Variants in UXS1 observed in about 807,000 individuals in gnomAD.
UXS1 encodes the protein UDP-glucuronic acid decarboxylase 1.
A neutral mutation model predicts 62.6 loss-of-function variants in UXS1; 33 were observed. The observed-to-expected ratio is 0.53, with a 90% CI of 0.40 to 0.70. UXS1 has a LOEUF of 0.70. Among genes scored for constraint, UXS1 ranks in the 30% least tolerant of loss-of-function variants. UXS1 has a pLI of 0.00. For missense variants in UXS1, 434 were observed against 556.3 expected, an observed-to-expected ratio of 0.78 and a Z score of 2.21; for synonymous variants, 213 against 206.8, an observed-to-expected ratio of 1.03 and a Z score of -0.26.
chr2:106,093,869 A>C lies in UXS1; in HGVS notation c.*157T>G. 9.5e-7 allele frequency: 1 copy of C among 1,049,628 alleles called. No individual in the cohort carries two copies. Among genetic ancestry groups the C allele is most frequent in the Non-Finnish European group, 1.3e-6 (1 of 774,246 alleles). 65.0% of individuals were successfully genotyped at this position (1,049,628 alleles called of 1,614,324 possible). ...CTGCAGTTTTTTGAGGGGAGCTTTT[A>C]GGCACATCCATTTCATTAAAGCAAG... On this transcript the variant is annotated 3_prime_UTR_variant, in exon 15 of 15. Transcript: ENST00000283148.
intron 1 of UXS1, among the ~76,000 whole-genome samples, chr2:106,180,725 T>C (rs1274642139): frequency 2.6e-5 from 4 of 152,122 alleles, no homozygotes; most frequent in Admixed American, 2.0e-4. Context: ...TTGGGGAGAA[T>C]AGGGAGAAAG....
At chr2:106,105,769 G>A (rs190455450) in intron 10 of UXS1, among the ~76,000 whole-genome samples, 1 of 152,330 alleles carries the variant, frequency 6.6e-6, no homozygotes, top group East Asian at 1.9e-4. Context: ...CGGCAACAGA[G>A]GTGCTTGGGG....
At chr2:106,143,580 G>A (rs572712656) in intron 6 of UXS1, among the ~76,000 whole-genome samples, 15 of 152,136 alleles carry the variant, frequency 9.9e-5, no homozygotes, top group African/African-American at 1.9e-4. Context: ...CTACAGGACC[G>A]GGCACAGTAT....
intron 6 of UXS1, among the ~76,000 whole-genome samples, chr2:106,139,342 T>C (rs1680913278): frequency 6.6e-6 from 1 of 152,188 alleles, no homozygotes; most frequent in Admixed American, 6.5e-5. Context: ...ATCAGCAGCA[T>C]TCCTACCAGA....
chr2:106,119,234 T>G (rs557426290), intron 9 of UXS1, among the ~76,000 whole-genome samples: 2 of 152,176 alleles, frequency 1.3e-5, no homozygotes, highest in Non-Finnish European at 2.9e-5. Context: ...CTTGGCGCCT[T>G]TGGACTTGGA....
chr2:106,103,432 C>T (rs1440451622), intron 11 of UXS1, among the ~76,000 whole-genome samples: 1 of 152,198 alleles, frequency 6.6e-6, no homozygotes, highest in Non-Finnish European at 1.5e-5. Flanking sequence ...CAGAAAAGGG[C>T]ACAGCTGGGT....
intron 4 of UXS1, chr2:106,160,377 C>A (rs949443226): frequency 6.6e-6 from 1 of 152,218 alleles, no homozygotes. Flanking sequence ...GTGGCTCCTC[C>A]GAACTGTCTG....
At chr2:106,123,490 A>G (rs1348679243) in intron 8 of UXS1, among the ~76,000 whole-genome samples, 2 of 152,164 alleles carry the variant, frequency 1.3e-5, no homozygotes, top group Non-Finnish European at 2.9e-5. Flanking sequence ...AAAAAAATGA[A>G]AAACGCAGCA....
chr2:106,181,703 G>A (rs958258818), intron 1 of UXS1, among the ~76,000 whole-genome samples: 4 of 152,130 alleles, frequency 2.6e-5, no homozygotes, highest in African/African-American at 9.7e-5. Flanking sequence ...GCTACAGAGT[G>A]AGACTCCATC....
intron 3 of UXS1, among the ~76,000 whole-genome samples, chr2:106,164,158 TG>T (rs1046517140): frequency 4.6e-5 from 7 of 152,156 alleles, no homozygotes; most frequent in African/African-American, 1.4e-4. Context: ...CTGTAGACAC[TG>T]TGGACTCAGG....
chr2:106,148,119 G>A (rs572241962), intron 5 of UXS1, among the ~76,000 whole-genome samples: 7 of 152,298 alleles, frequency 4.6e-5, no homozygotes, highest in African/African-American at 1.7e-4. Context: ...ACACACTAAA[G>A]CTACAGTCTT....
At chr2:106,168,619 T>C (rs1281576984) in intron 1 of UXS1, among the ~76,000 whole-genome samples, 3 of 152,240 alleles carry the variant, frequency 2.0e-5, no homozygotes, top group Non-Finnish European at 2.9e-5. Flanking sequence ...ATTTTGCTTT[T>C]ATCTTACTCT....
intron 1 of UXS1, among the ~76,000 whole-genome samples, chr2:106,172,383 GC>G (rs1683620563): frequency 6.6e-6 from 1 of 152,230 alleles, no homozygotes; most frequent in African/African-American, 2.4e-5. Context: ...GAAAAGGCAT[GC>G]CCCAAAATAA....
At position 106,123,065 on chromosome 2, in the gene UXS1, C is replaced by A; in HGVS notation, c.664G>T (p.Asp222Tyr). The A allele has an allele frequency of 6.2e-7, 1 of 1,613,948 alleles. No individual in the cohort carries two copies. The highest frequency in any genetic ancestry group is 1.1e-5 in the South Asian group (1 of 91,080). The change falls in exon 9 of 15, where the codon GAT becomes TAT. Residue 222 changes from aspartate (D) to tyrosine (Y), a missense_variant. Physicochemically the swap from Asp to Tyr is radical, Grantham distance 160. This residue lies in a region of UXS1 where 134 missense variants were observed against 251.9 expected (regional missense o/e 0.53). Transcript: ENST00000283148. ...ATTGGATTCACGTGGCCCCAGTAAT[C>A]CTCACTTTGAGGGTGGACTTCAGGA... Reference protein sequence around the residue: ...GDPEVHPQSEDYWGHVNPIGP... With the variant: ...GDPEVHPQSEYYWGHVNPIGP...
chr2:106,095,686 C>T (rs1276753072), intron 14 of UXS1, among the ~76,000 whole-genome samples: 1 of 152,164 alleles, frequency 6.6e-6, no homozygotes, highest in African/African-American at 2.4e-5. Flanking sequence ...CCGAGGGGAG[C>T]CCGAATTTCA....
chr2:106,120,274 C>T (rs190463562), intron 9 of UXS1, among the ~76,000 whole-genome samples: 10 of 152,330 alleles, frequency 6.6e-5, no homozygotes, highest in Admixed American at 6.5e-4. Flanking sequence ...CCCTCACAGG[C>T]TCACTGCTCT....
chr2:106,137,551 G>A (rs1334984927), intron 6 of UXS1, among the ~76,000 whole-genome samples: 2 of 152,104 alleles, frequency 1.3e-5, no homozygotes, highest in African/African-American at 4.8e-5. Flanking sequence ...CACTTTGGGA[G>A]GCCGAGGTGG....
At chr2:106,101,028 C>T (rs1433091401) in intron 12 of UXS1, 30 bp downstream of exon 12, 2 of 1,613,784 alleles carry the variant, frequency 1.2e-6, no homozygotes, top group Non-Finnish European at 1.7e-6. Context: ...TCTGAGCTGT[C>T]CTGCAGAGTG....
chr2:106,177,906 C>A (rs1004884226), intron 1 of UXS1, among the ~76,000 whole-genome samples: 1 of 152,200 alleles, frequency 6.6e-6, no homozygotes, highest in South Asian at 2.1e-4. Context: ...GTGTTGCTGA[C>A]GTGACCCAAA....
Sources: gnomAD v4.1 joint callset for allele counts (sites outside exome capture counted in the v4.1 genomes callset) on GRCh38, gnomAD v4.1.1 for gene constraint, gnomAD v4.1.1 regional missense constraint, MANE v1.5 for transcripts, NCBI Gene and HGNC (gene_info 2026-07-23, HGNC 2026-07-21) for gene names.